Variants in WDR7 observed in about 807,000 individuals in gnomAD.
WDR7 encodes the protein WD repeat domain 7.
WDR7 carries 46 observed loss-of-function variants against 169.4 expected under a neutral mutation model. That is an observed-to-expected ratio of 0.27 (90% CI 0.21 to 0.35). The LOEUF is 0.35. WDR7 is among the 10% of genes least tolerant of loss of function. The pLI, the probability that WDR7 is intolerant of heterozygous loss-of-function variation, is 1.00. For synonymous variants in WDR7, 612 were observed against 666.8 expected, an observed-to-expected ratio of 0.92 and a Z score of 1.27; for missense variants, 1,534 against 1,859.3, an observed-to-expected ratio of 0.83 and a Z score of 3.22.
intron 5 of WDR7, among the ~76,000 whole-genome samples, chr18:56,683,618 A>C (rs576964471): frequency 1.3e-5 from 2 of 152,188 alleles, no homozygotes; most frequent in Admixed American, 6.5e-5. Flanking sequence ...AAGCATTTAC[A>C]TATGATCAAT....
rs1303818255 is a variant in WDR7, at chr18:56,757,203, A to G, written c.2610A>G (p.Pro870=). ...AAACAGAAGTAGGAAGGAAGCTGCC[A>G]GCGTCTGAGGGAGTAGGAAAGGGAA... ...HGKTEVGRKL[P]ASEGVGKGTY... is the part of the protein sequence containing the mutation. The change falls in exon 15 of 28, where the codon CCA becomes CCG. Residue 870 remains proline (P), a synonymous_variant. Coordinates refer to ENST00000254442, the MANE Select transcript of WDR7 (RefSeq NM_015285.3). 4 of 1,614,132 alleles carry G rather than the reference A, an allele frequency of 2.5e-6. No individual in the cohort carries two copies. Among genetic ancestry groups the G allele is most frequent in the African/African-American group, 1.3e-5 (1 of 75,026 alleles).
chr18:56,861,825 C>T (rs1948064139), intron 20 of WDR7, among the ~76,000 whole-genome samples: 1 of 152,068 alleles, frequency 6.6e-6, no homozygotes, highest in Non-Finnish European at 1.5e-5. Flanking sequence ...TGATTTTGAA[C>T]ACTTAATTAG....
At chr18:56,906,218 A>G (rs2046474065) in intron 21 of WDR7, among the ~76,000 whole-genome samples, 3 of 152,182 alleles carry the variant, frequency 2.0e-5, no homozygotes, top group African/African-American at 7.2e-5. Context: ...CACTTTAAAT[A>G]TTGTCATAGG....
At chr18:56,952,675 G>GT (rs2047198905) in intron 25 of WDR7, among the ~76,000 whole-genome samples, 3 of 152,114 alleles carry the variant, frequency 2.0e-5, no homozygotes, top group Admixed American at 6.5e-5. Flanking sequence ...GGAGAAAAAC[G>GT]TTTAAGTGGA....
intron 14 of WDR7, among the ~76,000 whole-genome samples, chr18:56,742,844 G>A (rs1196100247): frequency 2.6e-5 from 4 of 152,098 alleles, no homozygotes; most frequent in Admixed American, 6.6e-5. Context: ...GAAATACCAC[G>A]TGCGGGGAGA....
intron 17 of WDR7, 103 bp from the exon 18 acceptor site, chr18:56,779,328 C>A: frequency 1.4e-6 from 1 of 738,810 alleles, no homozygotes; most frequent in Non-Finnish European, 2.2e-6. Flanking sequence ...TATAACTTAG[C>A]AGATCTGCCT....
intron 20 of WDR7, among the ~76,000 whole-genome samples, chr18:56,861,137 T>C (rs2045798827): frequency 6.6e-6 from 1 of 152,216 alleles, no homozygotes; most frequent in Non-Finnish European, 1.5e-5. Context: ...ATTCTTTTTC[T>C]AATCCTTGAT....
chr18:56,896,594 T>C (rs1299764778), intron 21 of WDR7, among the ~76,000 whole-genome samples: 1 of 151,816 alleles, frequency 6.6e-6, no homozygotes, highest in African/African-American at 2.4e-5. Context: ...AAATAAAAGA[T>C]TGCATTTTTA....
chr18:56,885,435 TAAAC>T (rs972186370), intron 21 of WDR7, among the ~76,000 whole-genome samples: 3 of 151,670 alleles, frequency 2.0e-5, no homozygotes, highest in East Asian at 1.9e-4. Context: ...ATAGCACAAA[TAAAC>T]AATCACAACT....
intron 16 of WDR7, among the ~76,000 whole-genome samples, chr18:56,765,633 A>G (rs1353268868): frequency 6.6e-6 from 1 of 152,190 alleles, no homozygotes; most frequent in Non-Finnish European, 1.5e-5. Flanking sequence ...CAGTAATTAT[A>G]TTTTAAAGAG....
At chr18:56,664,515 G>GTT (rs1202208882) in intron 1 of WDR7, among the ~76,000 whole-genome samples, 1 of 112,404 alleles carries the variant, frequency 8.9e-6, no homozygotes, top group African/African-American at 3.1e-5. Context: ...GAGTTCAGAA[G>GTT]TTTTTTTTTT....
At chr18:56,692,438 T>G (rs938139202) in intron 9 of WDR7, among the ~76,000 whole-genome samples, 5 of 53,930 alleles carry the variant, frequency 9.3e-5, no homozygotes, top group South Asian at 1.1e-3. Flanking sequence ...AGAGTTTTTT[T>G]TGTTTTTTTT....
chr18:56,744,531 G>T (rs2043673620), intron 14 of WDR7, among the ~76,000 whole-genome samples: 1 of 152,168 alleles, frequency 6.6e-6, no homozygotes, highest in South Asian at 2.1e-4. Context: ...GAGGGTGGTT[G>T]TGAAAGACTG....
intron 19 of WDR7, among the ~76,000 whole-genome samples, chr18:56,792,765 AACACACACAC>A (rs10551903): frequency 3.4e-5 from 5 of 147,780 alleles, no homozygotes; most frequent in South Asian, 4.3e-4. Context: ...TATTTTCTTT[AACACACACAC>A]ACACACACAC....
At chr18:56,969,735 C>A (rs58119960) in intron 26 of WDR7, among the ~76,000 whole-genome samples, 7,097 of 152,196 alleles carry the variant, frequency 0.047, 503 homozygotes, top group African/African-American at 0.16. Context: ...ATTACTTATA[C>A]CCCTTGTAAG....
At position 56,962,564 on chromosome 18, in the gene WDR7, C is replaced by T. The variant is rs370875277; in HGVS notation, c.4164+35C>T. On this transcript the variant is annotated intron_variant, in intron 26 of 27. Coordinates refer to ENST00000254442, the MANE Select transcript of WDR7 (RefSeq NM_015285.3). ...TCATTGTGACTTCCTCTCCATAAAGCGTGGAAGTTATTGAAAGGAGAGAGA... is the reference window on the plus strand; with the variant it reads ...TCATTGTGACTTCCTCTCCATAAAGTGTGGAAGTTATTGAAAGGAGAGAGA... The T allele has an allele frequency of 1.2e-4, 196 of 1,584,966 alleles. 1 individual carries two copies. Among genetic ancestry groups the T allele is most frequent in the East Asian group, 1.2e-3 (53 of 44,654 alleles).
intron 21 of WDR7, among the ~76,000 whole-genome samples, chr18:56,882,835 T>C (rs1445399741): frequency 6.6e-6 from 1 of 152,242 alleles, no homozygotes; most frequent in African/African-American, 2.4e-5. Flanking sequence ...CTCAACACCA[T>C]CCTTTTGTAT....
At chr18:56,855,512 A>G (rs1406819976) in intron 20 of WDR7, among the ~76,000 whole-genome samples, 1 of 152,190 alleles carries the variant, frequency 6.6e-6, no homozygotes, top group Admixed American at 6.5e-5. Flanking sequence ...GTTTTCCTAC[A>G]GACATAAAAG....
chr18:56,738,710 G>A (rs1389808026), intron 14 of WDR7, among the ~76,000 whole-genome samples: 4 of 151,140 alleles, frequency 2.6e-5, no homozygotes, highest in African/African-American at 7.3e-5. Context: ...ATAGCAATCA[G>A]GAAATTTCGC....
Sources: gnomAD v4.1 joint callset for allele counts (sites outside exome capture counted in the v4.1 genomes callset) on GRCh38, gnomAD v4.1.1 for gene constraint, MANE v1.5 for transcripts, NCBI Gene and HGNC (gene_info 2026-07-23, HGNC 2026-07-21) for gene names.